Variants in AIMP1 observed in about 807,000 individuals in gnomAD.
AIMP1 encodes aminoacyl tRNA synthetase complex interacting multifunctional protein 1.
Under a neutral mutation model 33.1 loss-of-function variants are expected in AIMP1, and 24 were observed. That is an observed-to-expected ratio of 0.73 (90% CI 0.53 to 1.02). AIMP1 has a LOEUF of 1.02. AIMP1 is among the 50% of genes least tolerant of loss of function. AIMP1 has a pLI of 0.00. For synonymous variants in AIMP1, 120 were observed against 121.5 expected (o/e 0.99, Z 0.08); for missense variants, 367 against 364.8 (o/e 1.01, Z -0.05).
Position 106,347,698 on chromosome 4 carries a change from T to C in AIMP1, c.*6T>C. 6.2e-7 allele frequency: 1 copy of C among 1,612,074 alleles called. No individual in the cohort carries two copies. Among genetic ancestry groups the C allele is most frequent in the Non-Finnish European group, 8.5e-7 (1 of 1,179,010 alleles). ...GCAACAGTGGAATCAAATAAAATGC[T>C]TCCACTACCAAAAGACATTAGAGAA... On this transcript the variant is annotated 3_prime_UTR_variant, in exon 7 of 7. Transcript: ENST00000672341.
chr4:106,321,850 A>G (rs1315317914), intron 1 of AIMP1, among the ~76,000 whole-genome samples: 2 of 152,224 alleles, frequency 1.3e-5, no homozygotes, highest in Non-Finnish European at 2.9e-5. Flanking sequence ...GTTCTGTACT[A>G]AGAAAAATTC....
At chr4:106,316,955 C>T (rs1416963221) in intron 1 of AIMP1, among the ~76,000 whole-genome samples, 1 of 152,192 alleles carries the variant, frequency 6.6e-6, no homozygotes, top group African/African-American at 2.4e-5. Context: ...AGCGCCCACT[C>T]TATTCCAGAC....
At position 106,327,576 on chromosome 4, in the gene AIMP1, T is replaced by C; in HGVS notation, c.223+12T>C. On this transcript the variant is annotated intron_variant, in intron 3 of 6. Transcript: ENST00000672341. ...AATTCAAAATGGAGGTAATTAAATA[T>C]AGAAAATTTGAGTAATCCAGAAGTT... 2.5e-6 allele frequency: 4 copies of C among 1,591,648 alleles called. No homozygotes were observed. The highest frequency in any genetic ancestry group is 3.4e-6 in the Non-Finnish European group (4 of 1,161,538).
At chr4:106,342,475 T>C (rs1044845971) in intron 6 of AIMP1, among the ~76,000 whole-genome samples, 1 of 152,206 alleles carries the variant, frequency 6.6e-6, no homozygotes, top group African/African-American at 2.4e-5. Flanking sequence ...GCCTAGTCTA[T>C]TGAGGGTTTT....
rs202204288 is a variant in AIMP1, at chr4:106,335,144, GA to G, written c.604-1719del. Among the ~76,000 whole-genome samples the G allele has an allele frequency of 8.5e-5, 13 of 152,144 alleles. No individual in the cohort carries two copies. The East Asian group carries it at 2.3e-3, about 27-fold the overall frequency. On this transcript the variant is annotated intron_variant, in intron 5 of 6. Transcript: ENST00000672341. ...GATCAGTGAAGTTTCTCTTATCTAG[GA>G]AAAAAGAAGTAGACTTGGCATATGC...
At chr4:106,340,772 G>A (rs1770066612) in intron 6 of AIMP1, among the ~76,000 whole-genome samples, 1 of 152,072 alleles carries the variant, frequency 6.6e-6, no homozygotes, top group African/African-American at 2.4e-5. Flanking sequence ...TGTCTTTTTG[G>A]TAGAATATTC....
upstream of AIMP1, chr4:106,316,383 T>G: frequency 1.9e-5 from 12 of 636,232 alleles, no homozygotes; most frequent in South Asian, 7.8e-5. Context: ...AAATACTGGG[T>G]GAGGGAATGG....
intron 4 of AIMP1, among the ~76,000 whole-genome samples, chr4:106,331,077 AAATT>A (rs1769655655): frequency 6.6e-6 from 1 of 152,172 alleles, no homozygotes; most frequent in Non-Finnish European, 1.5e-5. Context: ...AGAAATGGAG[AAATT>A]AATTATGTAC....
chr4:106,347,514 T>C lies in AIMP1; in HGVS notation c.773-12T>C, dbSNP rs1402511230. ...CTGTGTAATTTTCTTGTGCTTTTTT[T>C]CTCCTACACAGGAGAGCCTGACAAG... On this transcript the variant is annotated splice_polypyrimidine_tract_variant and intron_variant, in intron 6 of 6. Coordinates refer to ENST00000672341, the MANE Select transcript of AIMP1 (RefSeq NM_001142416.2). 9 of 1,605,844 alleles carry C rather than the reference T, an allele frequency of 5.6e-6. No homozygotes were observed. The highest frequency in any genetic ancestry group is 2.2e-5 in the East Asian group (1 of 44,724).
intron 1 of AIMP1, 151 bp from the exon 2 acceptor site, chr4:106,324,834 C>A: frequency 1.9e-6 from 1 of 529,672 alleles, no homozygotes; most frequent in South Asian, 6.6e-5. Context: ...ATTTGTTTGG[C>A]TTGTTGCTCT....
At chr4:106,315,784 G>A (rs72660532), upstream of AIMP1, 11,706 of 152,428 alleles carry the variant, frequency 0.077, 511 homozygotes, top group Middle Eastern at 0.18. Flanking sequence ...TAGGGATGGA[G>A]ACAGTACCTA....
intron 6 of AIMP1, among the ~76,000 whole-genome samples, chr4:106,338,742 C>T (rs1769987404): frequency 6.6e-6 from 1 of 152,224 alleles, no homozygotes; most frequent in South Asian, 2.1e-4. Flanking sequence ...AAGAGGGCCA[C>T]TGTCCTCCAG....
chr4:106,347,494 T>C lies in AIMP1; in HGVS notation c.773-32T>C, dbSNP rs1293695021. On this transcript the variant is annotated intron_variant, in intron 6 of 6. Transcript: ENST00000672341. ...TTAATATTTTTGTATATTAGCTGTG[T>C]AATTTTCTTGTGCTTTTTTTCTCCT... is the stretch of plus-strand genomic sequence containing the variant. 6 of 1,597,708 alleles carry C rather than the reference T, an allele frequency of 3.8e-6. No homozygotes were observed. In the East Asian group the frequency reaches 9.0e-5, roughly 24 times the overall value.
chr4:106,321,643 C>G (rs1022539707), intron 1 of AIMP1: 2 of 164,380 alleles, frequency 1.2e-5, no homozygotes, highest in African/African-American at 4.8e-5. Context: ...CCCGGCCGCC[C>G]CATCTGGGAA....
chr4:106,347,774 T>C lies in AIMP1; in HGVS notation c.*82T>C. 2 of 1,462,448 alleles carry C rather than the reference T, an allele frequency of 1.4e-6. No individual in the cohort carries two copies. The highest frequency in any genetic ancestry group is 1.2e-5 in the South Asian group (1 of 80,618). 90.6% of individuals were successfully genotyped at this position (1,462,448 alleles called of 1,614,324 possible). A position where few individuals can be genotyped will look rare whatever the true frequency, so the allele number is the denominator to read the frequency against. ...ATATTTGTCACTTATACCTAAAATA[T>C]GAGTGGCTCATTTTTGCATTACTCT... On this transcript the variant is annotated 3_prime_UTR_variant, in exon 7 of 7. Transcript: ENST00000672341.
chr4:106,336,074 C>T (rs1769866110), intron 5 of AIMP1, among the ~76,000 whole-genome samples: 1 of 113,734 alleles, frequency 8.8e-6, no homozygotes. Context: ...CAGGGTCTCA[C>T]TCTTGCCCAA....
chr4:106,331,168 G>A (rs1293049625), intron 4 of AIMP1, among the ~76,000 whole-genome samples: 1 of 152,080 alleles, frequency 6.6e-6, no homozygotes, highest in East Asian at 1.9e-4. Flanking sequence ...TCTGTCATTT[G>A]GGTACTGGTT....
Position 106,330,127 on chromosome 4 carries a change from A to G in AIMP1, c.392-1545A>G, listed in dbSNP as rs188259491. Reference sequence around the variant, plus strand: ...TTGAGCGTCACTCATTTGTCAGTGAAGGATTTCTGAAATTCCTTATGATAA... The same window carrying G: ...TTGAGCGTCACTCATTTGTCAGTGAGGGATTTCTGAAATTCCTTATGATAA... On this transcript the variant is annotated intron_variant, in intron 4 of 6. Coordinates refer to ENST00000672341, the MANE Select transcript of AIMP1 (RefSeq NM_001142416.2). Among the ~76,000 whole-genome samples, 433 of 152,254 alleles carry G rather than the reference A, an allele frequency of 2.8e-3. 1 individual carries two copies. Among genetic ancestry groups the G allele is most frequent in the African/African-American group, 9.9e-3 (413 of 41,564 alleles).
At chr4:106,322,961 G>A (rs1444841432) in intron 1 of AIMP1, among the ~76,000 whole-genome samples, 2 of 149,980 alleles carry the variant, frequency 1.3e-5, no homozygotes, top group Non-Finnish European at 3.0e-5. Context: ...CCCAGCCTGG[G>A]TGAAAAAGGA....
Sources: allele counts gnomAD v4.1 joint callset (sites outside exome capture counted in the v4.1 genomes callset), GRCh38; gene constraint gnomAD v4.1.1; transcripts MANE v1.5; gene names NCBI Gene and HGNC (gene_info 2026-07-23, HGNC 2026-07-21).